MAGI1: variants seen among roughly 807,000 people sequenced by gnomAD.
MAGI1 encodes membrane-associated guanylate kinase, WW and PDZ domain-containing protein 1.
In MAGI1, 58 loss-of-function variants were observed where a neutral mutation model predicts 139.9. The observed-to-expected ratio is 0.41, with a 90% CI of 0.34 to 0.52. MAGI1 has a LOEUF of 0.52. MAGI1 is among the 20% of genes least tolerant of loss of function. MAGI1 has a pLI of 0.12. For missense variants in MAGI1, 1,874 were observed against 1,901.6 expected (o/e 0.99, Z 0.27); for synonymous variants, 812 against 737.9 (o/e 1.10, Z -1.63).
intron 1 of MAGI1, among the ~76,000 whole-genome samples, chr3:66,012,364 T>C (rs1446132642): frequency 6.6e-6 from 1 of 151,974 alleles, no homozygotes; most frequent in Non-Finnish European, 1.5e-5. Flanking sequence ...CATTCCAAGT[T>C]TTTCCTATAA....
intron 2 of MAGI1, among the ~76,000 whole-genome samples, chr3:65,566,147 G>A (rs1336410030): frequency 1.3e-5 from 2 of 150,002 alleles, no homozygotes; most frequent in Non-Finnish European, 1.5e-5. Context: ...CCAGCTACTC[G>A]GGAGGCTGAG....
At chr3:65,379,678 C>A in intron 16 of MAGI1, 124 bp from the exon 17 acceptor site, 3 of 1,463,488 alleles carry the variant, frequency 2.0e-6, no homozygotes, top group Non-Finnish European at 1.8e-6. Flanking sequence ...GAGACAGCAC[C>A]TGGTTTCACA....
chr3:65,779,867 G>A (rs973819230), intron 1 of MAGI1, among the ~76,000 whole-genome samples: 6 of 152,160 alleles, frequency 3.9e-5, no homozygotes, highest in Non-Finnish European at 8.8e-5. Context: ...TCCTGTTATC[G>A]ATTACATGTG....
At chr3:65,686,990 A>G (rs1189446392) in intron 1 of MAGI1, among the ~76,000 whole-genome samples, 1 of 152,202 alleles carries the variant, frequency 6.6e-6, no homozygotes, top group Non-Finnish European at 1.5e-5. Context: ...ATTCACAGTG[A>G]TTCTATGTAT....
chr3:65,821,467 A>G lies in MAGI1; in HGVS notation c.314-199379T>C, dbSNP rs1409735583. Among the ~76,000 whole-genome samples, 10 of 152,160 alleles carry G rather than the reference A, an allele frequency of 6.6e-5. No homozygotes were observed. In the East Asian group the frequency reaches 1.9e-3, roughly 29 times the overall value. ...AAGTCAACAGTGTCTCCTGGATGAG[A>G]AACTGAATACATTAAAATACAGCCA... On this transcript the variant is annotated intron_variant, in intron 1 of 22. Coordinates refer to ENST00000402939, the MANE Select transcript of MAGI1 (RefSeq NM_001033057.2).
At chr3:65,534,496 A>G (rs2078862876) in intron 2 of MAGI1, among the ~76,000 whole-genome samples, 1 of 152,138 alleles carries the variant, frequency 6.6e-6, no homozygotes, top group African/African-American at 2.4e-5. Context: ...TCTCTAAAAA[A>G]GAAAAAAAGA....
chr3:65,707,364 C>T (rs967627912), intron 1 of MAGI1, among the ~76,000 whole-genome samples: 5 of 152,212 alleles, frequency 3.3e-5, no homozygotes, highest in Admixed American at 2.6e-4. Context: ...GTAATCCCAG[C>T]ACTTTGGACG....
At position 65,951,309 on chromosome 3, in the gene MAGI1, AT is replaced by A. The variant is rs374707033; in HGVS notation, c.313+86686del. Among the ~76,000 whole-genome samples the A allele has an allele frequency of 3.0e-4, 45 of 152,268 alleles. No homozygotes were observed. In the East Asian group the frequency reaches 8.3e-3, roughly 28 times the overall value. On this transcript the variant is annotated intron_variant, in intron 1 of 22. Coordinates refer to ENST00000402939, the MANE Select transcript of MAGI1 (RefSeq NM_001033057.2). ...GCTGAAGAATTGAATTTCTCGTTTT[AT>A]TTCATCTTCAATGATTCAAATTGAA...
chr3:65,800,113 G>C (rs535447467), intron 1 of MAGI1, among the ~76,000 whole-genome samples: 1 of 152,138 alleles, frequency 6.6e-6, no homozygotes, highest in African/African-American at 2.4e-5. Context: ...TCCATAAATG[G>C]AGAGCCTAAT....
intron 1 of MAGI1, among the ~76,000 whole-genome samples, chr3:65,953,444 C>G (rs2063961529): frequency 6.6e-6 from 1 of 152,194 alleles, no homozygotes; most frequent in Non-Finnish European, 1.5e-5. Flanking sequence ...CCTCCCCAGC[C>G]TGAGAGCGAT....
intron 4 of MAGI1, among the ~76,000 whole-genome samples, chr3:65,472,005 T>C (rs1293072817): frequency 6.6e-6 from 1 of 152,164 alleles, no homozygotes; most frequent in Non-Finnish European, 1.5e-5. Flanking sequence ...GATCTCTGAT[T>C]TCATACTTGA....
At chr3:65,639,768 C>T (rs758698698) in intron 1 of MAGI1, among the ~76,000 whole-genome samples, 11 of 151,810 alleles carry the variant, frequency 7.2e-5, no homozygotes, top group Non-Finnish European at 1.5e-4. Context: ...TTTGGGAGGC[C>T]GAGGTGGGCA....
At chr3:65,677,025 G>A (rs1469914727) in intron 1 of MAGI1, among the ~76,000 whole-genome samples, 1 of 152,100 alleles carries the variant, frequency 6.6e-6, no homozygotes, top group Non-Finnish European at 1.5e-5. Context: ...AGCTGTGCAG[G>A]ACCCTTCGGA....
At chr3:65,978,621 C>CTTTTTT (rs373662388) in intron 1 of MAGI1, among the ~76,000 whole-genome samples, 9 of 129,168 alleles carry the variant, frequency 7.0e-5, no homozygotes, top group African/African-American at 5.8e-5. Flanking sequence ...CTCAAAATTT[C>CTTTTTT]TTTTTTTTTT....
At chr3:65,569,254 G>A (rs2080825944) in intron 2 of MAGI1, among the ~76,000 whole-genome samples, 1 of 152,194 alleles carries the variant, frequency 6.6e-6, no homozygotes, top group African/African-American at 2.4e-5. Context: ...ACAGAAAGGA[G>A]AATTGTGGTT....
chr3:65,935,895 G>T (rs2063027902), intron 1 of MAGI1, among the ~76,000 whole-genome samples: 1 of 152,236 alleles, frequency 6.6e-6, no homozygotes, highest in Non-Finnish European at 1.5e-5. Flanking sequence ...CCAGAGACAT[G>T]TGAAGGAAGT....
At chr3:65,634,035 G>C (rs1023723742) in intron 1 of MAGI1, among the ~76,000 whole-genome samples, 7 of 152,206 alleles carry the variant, frequency 4.6e-5, no homozygotes, top group Non-Finnish European at 8.8e-5. Flanking sequence ...CAATGAGCCA[G>C]ATAGCAATAT....
intron 18 of MAGI1, among the ~76,000 whole-genome samples, chr3:65,365,709 T>C (rs564939432): frequency 3.3e-5 from 5 of 152,322 alleles, no homozygotes; most frequent in Admixed American, 6.5e-5. Flanking sequence ...GGTTCCATTA[T>C]AAGATTCACC....
At chr3:65,905,456 T>TACAC (rs2061400263) in intron 1 of MAGI1, among the ~76,000 whole-genome samples, 1 of 151,448 alleles carries the variant, frequency 6.6e-6, no homozygotes, top group Non-Finnish European at 1.5e-5. Flanking sequence ...CATTGTGGTG[T>TACAC]ACACACCCTG....
Sources: gnomAD v4.1 joint callset for allele counts (sites outside exome capture counted in the v4.1 genomes callset) on GRCh38, gnomAD v4.1.1 for gene constraint, MANE v1.5 for transcripts, NCBI Gene and HGNC (gene_info 2026-07-23, HGNC 2026-07-21) for gene names.